MTMR3: variants seen among roughly 807,000 people sequenced by gnomAD.
MTMR3 encodes myotubularin related protein 3.
In MTMR3, 32 loss-of-function variants were observed where a neutral mutation model predicts 132.4. The observed-to-expected ratio is 0.24, with a 90% CI of 0.18 to 0.32. MTMR3 has a LOEUF of 0.32. Ranked by LOEUF, MTMR3 falls within the 10% of genes least tolerant of loss-of-function variation. MTMR3 has a pLI of 1.00. For synonymous variants in MTMR3, 556 were observed against 550.3 expected, an observed-to-expected ratio of 1.01 and a Z score of -0.14; for missense variants, 1,216 against 1,489.6, an observed-to-expected ratio of 0.82 and a Z score of 3.02.
At chr22:29,949,196 C>T (rs542413871) in intron 1 of MTMR3, among the ~76,000 whole-genome samples, 6 of 141,582 alleles carry the variant, frequency 4.2e-5, no homozygotes, top group East Asian at 4.7e-4. Context: ...CATGCGTGCG[C>T]GTGCACGCGC....
chr22:30,020,683 C>G lies in MTMR3; in HGVS notation c.3024C>G (p.Asp1008Glu), dbSNP rs2067721454. 6.2e-7 allele frequency: 1 copy of G among 1,614,126 alleles called. No homozygotes were observed. The highest frequency in any genetic ancestry group is 1.3e-5 in the African/African-American group (1 of 74,948). Residue 1008 changes from aspartate to glutamate, a missense_variant, in exon 17 of 20, where the codon GAC becomes GAG. Asp to Glu is a conservative substitution (Grantham distance 45). Around this residue, in one of 7 missense-constraint regions of MTMR3, gnomAD observed 852 missense variants for 852.0 expected, o/e 1.00. Coordinates refer to ENST00000401950, the MANE Select transcript of MTMR3 (RefSeq NM_021090.4). ...GGCCATCTGCAACCAGCAGCCCCGACCAGCCTTCCCGCAGCCACCTGGACG... is the reference window on the plus strand; with the variant it reads ...GGCCATCTGCAACCAGCAGCCCCGAGCAGCCTTCCCGCAGCCACCTGGACG... ...SGRPSATSSP[D>E]QPSRSHLDDD...
intron 1 of MTMR3, 146 bp from the exon 2 acceptor site, chr22:29,956,890 C>A (rs2066203345): frequency 6.6e-6 from 1 of 152,260 alleles, no homozygotes; most frequent in Non-Finnish European, 1.5e-5. Flanking sequence ...CTGTGGTTGA[C>A]TAAATACTCC....
rs780771733 is a variant in MTMR3, at chr22:30,019,679, G to A, written c.2020G>A (p.Gly674Arg). The A allele has an allele frequency of 2.5e-6, 4 of 1,614,120 alleles. No homozygotes were observed. The change falls in exon 17 of 20, where the codon GGG (glycine) becomes AGG (arginine). Residue 674 changes from glycine to arginine, a missense_variant. Physicochemically the swap from Gly to Arg is moderately radical, Grantham distance 125. Coordinates refer to ENST00000401950, the MANE Select transcript of MTMR3 (RefSeq NM_021090.4). Reference protein sequence around the residue: ...DSLGKPTRVPGGAELSVAAGV... With the variant: ...DSLGKPTRVPRGAELSVAAGV... ...CCTAGGGAAGCCCACCAGAGTGCCG[G>A]GGGGTGCCGAGCTTTCTGTTGCAGC...
chr22:29,927,659 C>T (rs1436353162), intron 1 of MTMR3, among the ~76,000 whole-genome samples: 2 of 151,786 alleles, frequency 1.3e-5, no homozygotes, highest in East Asian at 1.9e-4. Context: ...GATGGCCTTT[C>T]TAAAGCAGTG....
At chr22:29,941,718 G>A (rs1310449577) in intron 1 of MTMR3, among the ~76,000 whole-genome samples, 1 of 152,170 alleles carries the variant, frequency 6.6e-6, no homozygotes, top group Non-Finnish European at 1.5e-5. Flanking sequence ...CTTTTGATAA[G>A]TAGAGATTTT....
intron 3 of MTMR3, among the ~76,000 whole-genome samples, chr22:29,975,429 CAT>C (rs1450748785): frequency 6.6e-6 from 1 of 152,108 alleles, no homozygotes; most frequent in East Asian, 1.9e-4. Context: ...GGTAAATTCT[CAT>C]ATCTACTTCG....
rs139430397 is a variant in MTMR3, at chr22:30,026,048, ATT to A, written c.*260_*261del. On this transcript the variant is annotated 3_prime_UTR_variant, in exon 20 of 20. Coordinates refer to ENST00000401950, the MANE Select transcript of MTMR3 (RefSeq NM_021090.4). ...AGGAAACTTTCCCTTGGTTGTCTTAATTTTTTTTTTTTTTGATGGAAGACCAA... is the reference window on the plus strand; with the variant it reads ...AGGAAACTTTCCCTTGGTTGTCTTAATTTTTTTTTTTTGATGGAAGACCAA... 2,371 of 330,838 alleles carry A rather than the reference ATT, an allele frequency of 7.2e-3. No homozygotes were observed. Among genetic ancestry groups the A allele is most frequent in the South Asian group, 0.011 (165 of 15,216 alleles). 20.5% of individuals were successfully genotyped at this position (330,838 alleles called of 1,614,324 possible).
chr22:29,916,408 C>A (rs141688048), intron 1 of MTMR3, among the ~76,000 whole-genome samples: 1 of 152,290 alleles, frequency 6.6e-6, no homozygotes, highest in South Asian at 2.1e-4. Flanking sequence ...CTTCAGCCTT[C>A]GGAGACACAT....
chr22:29,978,368 G>T, intron 3 of MTMR3, 74 bp from the exon 4 acceptor site: 1 of 1,090,278 alleles, frequency 9.2e-7, no homozygotes, highest in Non-Finnish European at 1.4e-6. Flanking sequence ...GATTATGCTA[G>T]CAGATATGGC....
At chr22:29,914,907 CT>C (rs1363789309) in intron 1 of MTMR3, among the ~76,000 whole-genome samples, 1 of 152,026 alleles carries the variant, frequency 6.6e-6, no homozygotes, top group African/African-American at 2.4e-5. Flanking sequence ...CTTTTAATGT[CT>C]TTTTTGGCCT....
chr22:29,950,209 C>T (rs1299637754), intron 1 of MTMR3, among the ~76,000 whole-genome samples: 2 of 152,118 alleles, frequency 1.3e-5, no homozygotes, highest in African/African-American at 4.8e-5. Context: ...AATGATTCTG[C>T]GTGGCTTTAA....
At chr22:29,982,009 A>T (rs2066755788) in intron 5 of MTMR3, 1 of 152,002 alleles carries the variant, frequency 6.6e-6, no homozygotes, top group East Asian at 1.9e-4. Context: ...GGAGAGCAAG[A>T]CCATCCTGGC....
At chr22:29,932,256 A>C (rs1170985347) in intron 1 of MTMR3, among the ~76,000 whole-genome samples, 2 of 152,336 alleles carry the variant, frequency 1.3e-5, no homozygotes, top group East Asian at 3.9e-4. Context: ...AACTACACCC[A>C]TATTAATATA....
chr22:29,910,780 G>T (rs1361541288), intron 1 of MTMR3, among the ~76,000 whole-genome samples: 1 of 150,130 alleles, frequency 6.7e-6, no homozygotes, highest in Non-Finnish European at 1.5e-5. Flanking sequence ...GCCTAAGCAA[G>T]GCCTCAACTC....
chr22:29,912,190 C>T lies in MTMR3; in HGVS notation c.-138+28831C>T, dbSNP rs931625152. Among the ~76,000 whole-genome samples the T allele has an allele frequency of 7.2e-5, 11 of 152,074 alleles. 1 individual carries two copies. The highest frequency in any genetic ancestry group is 3.9e-4 in the Admixed American group (6 of 15,264). On this transcript the variant is annotated intron_variant, in intron 1 of 19. Transcript: ENST00000401950. ...GTTGATGGTAGAGATGAAGAAAAGT[C>T]TTAATTTGTTTTTTTTATGCTAAGG...
chr22:30,003,060 TCTG>T, intron 9 of MTMR3, 67 bp downstream of exon 9: 2 of 1,247,180 alleles, frequency 1.6e-6, no homozygotes, highest in African/African-American at 1.5e-5. Flanking sequence ...GTCTGCTGCC[TCTG>T]CTGCTGCTAA....
intron 1 of MTMR3, among the ~76,000 whole-genome samples, chr22:29,925,851 G>A (rs2065505995): frequency 6.6e-6 from 1 of 152,132 alleles, no homozygotes; most frequent in South Asian, 2.1e-4. Context: ...AGATGCGGAG[G>A]TTGCAATGAG....
intron 17 of MTMR3, chr22:30,021,189 G>T (rs775004488): frequency 2.1e-4 from 81 of 390,326 alleles, no homozygotes; most frequent in Non-Finnish European, 3.5e-4. Flanking sequence ...AGAAGGGCTT[G>T]AACCCATGGG....
chr22:29,903,390 CTTTT>C (rs35625964), intron 1 of MTMR3, among the ~76,000 whole-genome samples: 1 of 119,700 alleles, frequency 8.4e-6, no homozygotes, highest in Admixed American at 9.8e-5. Context: ...CTTTTTCTTT[CTTTT>C]TTTTTTTTTT....
Sources: allele counts gnomAD v4.1 joint callset (sites outside exome capture counted in the v4.1 genomes callset), GRCh38; gene constraint gnomAD v4.1.1; regional missense constraint gnomAD v4.1.1; transcripts MANE v1.5; gene names NCBI Gene and HGNC (gene_info 2026-07-23, HGNC 2026-07-21).